The following TMEM53 variants were observed in gnomAD, a reference collection of about 807,000 sequenced individuals.
TMEM53 encodes the protein transmembrane protein 53, also known as novel DUF829 domain-containing protein.
A neutral mutation model predicts 21.4 loss-of-function variants in TMEM53; 14 were observed. That is an observed-to-expected ratio of 0.65 (90% CI 0.43 to 1.02). The LOEUF (loss-of-function observed/expected upper bound fraction) is 1.02. TMEM53 is among the 50% of genes least tolerant of loss of function. TMEM53 has a pLI of 0.00. For missense variants in TMEM53, 323 were observed against 383.6 expected (o/e 0.84, Z 1.32); for synonymous variants, 148 against 157.4 (o/e 0.94, Z 0.45).
chr1:44,658,660 T>C (rs1338045995), intron 2 of TMEM53, among the ~76,000 whole-genome samples: 1 of 152,168 alleles, frequency 6.6e-6, no homozygotes, highest in Non-Finnish European at 1.5e-5. Context: ...AAGCGATCCC[T>C]ACCACCTCAG....
intron 1 of TMEM53, among the ~76,000 whole-genome samples, chr1:44,670,377 T>A (rs1452308133): frequency 6.6e-6 from 1 of 152,186 alleles, no homozygotes; most frequent in Non-Finnish European, 1.5e-5. Flanking sequence ...AGGGATTTAC[T>A]TCTGCACTTT....
chr1:44,663,340 A>C (rs1049323066), intron 1 of TMEM53, among the ~76,000 whole-genome samples: 1 of 152,206 alleles, frequency 6.6e-6, no homozygotes, highest in Non-Finnish European at 1.5e-5. Context: ...CCCTGGGTTC[A>C]AGAGATTCCC....
Position 44,654,359 on chromosome 1 carries a change from C to T in TMEM53, c.*200G>A, listed in dbSNP as rs1349472762. On this transcript the variant is annotated 3_prime_UTR_variant, in exon 3 of 3. Transcript: ENST00000372237. The surrounding 1 kb of genome is among the most constrained non-coding windows in gnomAD (Gnocchi z 7.0). ...CAGACACATGCCCAGGCACTCCTGC[C>T]CCTTAGGATTCTGTGGTAAGCAGAC... is the stretch of plus-strand genomic sequence containing the variant. 4 of 607,424 alleles carry T rather than the reference C, an allele frequency of 6.6e-6. No individual in the cohort carries two copies. The highest frequency in any genetic ancestry group is 2.8e-5 in the East Asian group (1 of 35,348). The allele number at this position is 607,424 out of a possible 1,614,324, so 37.6% of individuals were successfully genotyped here. A position where few individuals can be genotyped will look rare whatever the true frequency, so the allele number is the denominator to read the frequency against.
At chr1:44,664,500 T>C (rs1644930926) in intron 1 of TMEM53, among the ~76,000 whole-genome samples, 1 of 151,912 alleles carries the variant, frequency 6.6e-6, no homozygotes, top group African/African-American at 2.4e-5. Context: ...AGAATTCTCA[T>C]TTTACAGACG....
intron 1 of TMEM53, among the ~76,000 whole-genome samples, chr1:44,661,242 C>T (rs542796923): frequency 1.4e-4 from 21 of 152,058 alleles, no homozygotes; most frequent in African/African-American, 4.8e-4. Flanking sequence ...AGAAGAGGGT[C>T]TTTTCTGAGA....
At position 44,654,370 on chromosome 1, in the gene TMEM53, C is replaced by T; in HGVS notation, c.*189G>A. 3.1e-6 allele frequency: 2 copies of T among 639,186 alleles called. No homozygotes were observed. The highest frequency in any genetic ancestry group is 5.3e-6 in the Non-Finnish European group (2 of 375,490). 39.6% of individuals were successfully genotyped at this position (639,186 alleles called of 1,614,324 possible). On this transcript the variant is annotated 3_prime_UTR_variant, in exon 3 of 3. Coordinates refer to ENST00000372237, the MANE Select transcript of TMEM53 (RefSeq NM_024587.4). The surrounding 1 kb of genome is among the most constrained non-coding windows in gnomAD (Gnocchi z 7.0). ...CCAGGCACTCCTGCCCCTTAGGATT[C>T]TGTGGTAAGCAGACCACCAGCAGAC...
At chr1:44,660,333 G>T (rs757641519) in intron 1 of TMEM53, 38 bp from the exon 2 acceptor site, 4 of 1,587,062 alleles carry the variant, frequency 2.5e-6, no homozygotes, top group Non-Finnish European at 3.4e-6. Flanking sequence ...CCAGAGCTGG[G>T]GTGGGGGCGG....
chr1:44,664,099 C>T (rs1366855915), intron 1 of TMEM53, among the ~76,000 whole-genome samples: 1 of 149,982 alleles, frequency 6.7e-6, no homozygotes, highest in East Asian at 2.0e-4. Flanking sequence ...CTGCAGTGAG[C>T]CATGATCATG....
chr1:44,674,255 G>C, intron 1 of TMEM53, 76 bp downstream of exon 1: 1 of 1,526,040 alleles, frequency 6.6e-7, no homozygotes, highest in Non-Finnish European at 8.8e-7. Flanking sequence ...ATGAGGGGCG[G>C]GGCTACAGCT....
Position 44,655,327 on chromosome 1 carries a change from T to A in TMEM53, c.184-118A>T. The A allele has an allele frequency of 9.9e-7, 1 of 1,012,436 alleles. No individual in the cohort carries two copies. Among genetic ancestry groups the A allele is most frequent in the Non-Finnish European group, 1.4e-6 (1 of 710,998 alleles). The allele number at this position is 1,012,436 out of a possible 1,614,324, so 62.7% of individuals were successfully genotyped here. A position where few individuals can be genotyped will look rare whatever the true frequency, so the allele number is the denominator to read the frequency against. On this transcript the variant is annotated intron_variant, in intron 2 of 2. Transcript: ENST00000372237. This position sits in a 1 kb window ranked among gnomAD's most constrained non-coding sequence, Gnocchi z 4.4. ...GACATAGGCCATGGGGCCCACAGCG[T>A]CAGCAATGCTCTGGGTCCTGCTTCA... is the stretch of plus-strand genomic sequence containing the variant.
chr1:44,668,860 A>G (rs529846344), intron 1 of TMEM53, among the ~76,000 whole-genome samples: 22 of 152,266 alleles, frequency 1.4e-4, no homozygotes, highest in African/African-American at 5.3e-4. Flanking sequence ...TTTATTTTTT[A>G]TTTACTTTTT....
intron 1 of TMEM53, among the ~76,000 whole-genome samples, chr1:44,672,726 C>T (rs902202410): frequency 5.9e-5 from 9 of 151,528 alleles, no homozygotes; most frequent in African/African-American, 1.9e-4. Flanking sequence ...CCATGGGATC[C>T]GCCACTGCAC....
rs1557489429 is a variant in TMEM53, at chr1:44,654,677, CGGCGTGCCA to C, written c.707_715del (p.Leu236_Arg238del). ...GAAATCCACAGAACGCGCCAGGACC[CGGCGTGCCA>C]GGCGTGCCTCCACCATGCGTTCTAT... On this transcript the variant is annotated inframe_deletion, in exon 3 of 3. Coordinates refer to ENST00000372237, the MANE Select transcript of TMEM53 (RefSeq NM_024587.4). The surrounding 1 kb of genome is among the most constrained non-coding windows in gnomAD (Gnocchi z 7.0). 1.9e-6 allele frequency: 3 copies of C among 1,614,154 alleles called. No homozygotes were observed. The highest frequency in any genetic ancestry group is 2.5e-6 in the Non-Finnish European group (3 of 1,180,034).
chr1:44,664,301 A>G (rs1216935426), intron 1 of TMEM53, among the ~76,000 whole-genome samples: 1 of 151,832 alleles, frequency 6.6e-6, no homozygotes, highest in Non-Finnish European at 1.5e-5. Context: ...AAATACAAAA[A>G]TCAGCCGGAC....
chr1:44,657,798 C>T (rs572863201), intron 2 of TMEM53, among the ~76,000 whole-genome samples: 1 of 152,272 alleles, frequency 6.6e-6, no homozygotes, highest in East Asian at 1.9e-4. Context: ...TTCTGAGCCT[C>T]CCAAAGTGCT....
chr1:44,662,592 T>C (rs1264875508), intron 1 of TMEM53, among the ~76,000 whole-genome samples: 1 of 151,906 alleles, frequency 6.6e-6, no homozygotes, highest in Non-Finnish European at 1.5e-5. Flanking sequence ...TGCTTTTGCA[T>C]CTTCGAGACC....
Position 44,660,191 on chromosome 1 carries a change from C to G in TMEM53, c.166G>C (p.Ala56Pro), listed in dbSNP as rs1473654209. The change falls in exon 2 of 3, where the codon GCC (alanine) becomes CCC (proline). Residue 56 changes from alanine (A) to proline (P), a missense_variant. Coordinates refer to ENST00000372237, the MANE Select transcript of TMEM53 (RefSeq NM_024587.4). The stretch of plus-strand genomic sequence containing the variant: ...GTACTCACCCTTTTGTGGTAGATGG[C>G]ACTGTACTTGGCAAGGTTCTTGTCC... ...CKDKNLAKYS[A>P]IYHKRGCIVI... The G allele has an allele frequency of 6.2e-7, 1 of 1,614,100 alleles. No homozygotes were observed. Among genetic ancestry groups the G allele is most frequent in the Admixed American group, 1.7e-5 (1 of 60,006 alleles).
intron 1 of TMEM53, among the ~76,000 whole-genome samples, chr1:44,673,543 G>T (rs1340613706): frequency 1.3e-5 from 2 of 152,214 alleles, no homozygotes; most frequent in Non-Finnish European, 2.9e-5. Context: ...ACACTGTCAT[G>T]GATGCGGGCC....
At chr1:44,656,146 A>G (rs1285667214) in intron 2 of TMEM53, among the ~76,000 whole-genome samples, 2 of 152,138 alleles carry the variant, frequency 1.3e-5, no homozygotes, top group African/African-American at 4.8e-5. Flanking sequence ...GTCCGGGTTC[A>G]ACTCCTGGCA....
Sources: gnomAD v4.1 joint callset for allele counts (sites outside exome capture counted in the v4.1 genomes callset) on GRCh38, gnomAD v4.1.1 for gene constraint, Gnocchi (gnomAD v3.1) non-coding constraint, MANE v1.5 for transcripts, NCBI Gene and HGNC (gene_info 2026-07-23, HGNC 2026-07-21) for gene names.